ACOXL: variants seen among roughly 807,000 people sequenced by gnomAD.
ACOXL encodes the protein acyl-coenzyme A oxidase-like protein.
Under a neutral mutation model 71.9 loss-of-function variants are expected in ACOXL, and 70 were observed. The ratio of observed to expected loss-of-function variants is 0.97; its 90% CI spans 0.80 to 1.19. The LOEUF (loss-of-function observed/expected upper bound fraction) is 1.19. Ranked by LOEUF, ACOXL falls within the 50% of genes most tolerant of loss-of-function variation. The pLI is 0.00. For synonymous variants in ACOXL, 253 were observed against 281.6 expected (o/e 0.90, Z 1.02); for missense variants, 703 against 736.3 (o/e 0.95, Z 0.52).
chr2:110,760,619 C>G (rs1284964493), intron 1 of ACOXL, among the ~76,000 whole-genome samples: 1 of 152,184 alleles, frequency 6.6e-6, no homozygotes, highest in African/African-American at 2.4e-5. Flanking sequence ...TGGACTCTCA[C>G]ATATTTGAGG....
At chr2:110,775,790 G>A (rs1682559448) in intron 2 of ACOXL, among the ~76,000 whole-genome samples, 1 of 152,214 alleles carries the variant, frequency 6.6e-6, no homozygotes, top group Non-Finnish European at 1.5e-5. Context: ...GAACCCATGT[G>A]CATTGTCGGT....
At chr2:110,962,887 T>C (rs1234158442) in intron 12 of ACOXL, among the ~76,000 whole-genome samples, 1 of 152,082 alleles carries the variant, frequency 6.6e-6, no homozygotes, top group Non-Finnish European at 1.5e-5. Flanking sequence ...TTCTGGATAT[T>C]TCATGGGGAA....
intron 10 of ACOXL, among the ~76,000 whole-genome samples, chr2:110,906,586 CA>C (rs78173066): frequency 0.35 from 34,523 of 98,840 alleles, 5,080 homozygotes; most frequent in Middle Eastern, 0.43. Context: ...ATTTTTCAGC[CA>C]AAAAAAAAAA....
At chr2:110,963,263 A>G (rs1350391581) in intron 12 of ACOXL, among the ~76,000 whole-genome samples, 1 of 152,086 alleles carries the variant, frequency 6.6e-6, no homozygotes, top group Non-Finnish European at 1.5e-5. Flanking sequence ...TTGCCTACAT[A>G]TGGTGAGGTA....
intron 12 of ACOXL, among the ~76,000 whole-genome samples, chr2:110,980,087 G>A (rs2062635989): frequency 6.6e-6 from 1 of 152,166 alleles, no homozygotes; most frequent in South Asian, 2.1e-4. Flanking sequence ...TGGCCAGATA[G>A]CCCAGGCTCT....
intron 10 of ACOXL, among the ~76,000 whole-genome samples, chr2:110,844,371 A>G (rs988249024): frequency 1.3e-5 from 2 of 152,088 alleles, no homozygotes; most frequent in African/African-American, 4.8e-5. Context: ...TGTGCTGGGG[A>G]CAAACCTACC....
chr2:110,853,913 G>GTT (rs35717647), intron 10 of ACOXL, among the ~76,000 whole-genome samples: 4 of 142,254 alleles, frequency 2.8e-5, no homozygotes, highest in African/African-American at 1.1e-4. Flanking sequence ...TAGGACACTT[G>GTT]TTTTTTTTTT....
intron 12 of ACOXL, among the ~76,000 whole-genome samples, chr2:110,944,255 T>C (rs1367687230): frequency 1.3e-5 from 2 of 152,012 alleles, no homozygotes; most frequent in African/African-American, 4.8e-5. Context: ...GGTTTCACTA[T>C]ATTGGCAAGG....
At position 111,060,458 on chromosome 2, in the gene ACOXL, G is replaced by A. The variant is rs534588566; in HGVS notation, c.1440+11170G>A. Reference sequence around the variant, plus strand: ...GCCAGCACCCCACCCCAGCAGCAACGAGGAGCATCTCCCAACCTTGGTGGT... The same window carrying A: ...GCCAGCACCCCACCCCAGCAGCAACAAGGAGCATCTCCCAACCTTGGTGGT... On this transcript the variant is annotated intron_variant, in intron 16 of 17. Transcript: ENST00000439055. 8.5e-5 allele frequency among the ~76,000 whole-genome samples: 13 copies of A among 152,242 alleles called. No homozygotes were observed. In the South Asian group the frequency reaches 1.0e-3, roughly 12 times the overall value.
intron 2 of ACOXL, among the ~76,000 whole-genome samples, chr2:110,769,499 A>G (rs1681596036): frequency 6.6e-6 from 1 of 151,888 alleles, no homozygotes; most frequent in African/African-American, 2.4e-5. Flanking sequence ...AAAAAAAAAT[A>G]CAAAACTGGC....
intron 10 of ACOXL, chr2:110,887,508 G>A (rs1697447790): frequency 6.6e-6 from 1 of 152,264 alleles, no homozygotes; most frequent in African/African-American, 2.4e-5. Context: ...AGACTAGAGT[G>A]TAGTGGCATG....
chr2:110,940,615 TGA>T (rs2060833417), intron 12 of ACOXL, among the ~76,000 whole-genome samples: 1 of 152,216 alleles, frequency 6.6e-6, no homozygotes, highest in South Asian at 2.1e-4. Flanking sequence ...TTGGCCTCAC[TGA>T]GAATTCATGG....
intron 17 of ACOXL, among the ~76,000 whole-genome samples, 183 bp from the exon 18 acceptor site, chr2:111,117,433 G>A (rs1483555830): frequency 6.6e-5 from 10 of 152,212 alleles, no homozygotes; most frequent in African/African-American, 2.4e-4. Context: ...AGTTGGGAAT[G>A]TCTAAAACAA....
In ACOXL at chr2:110,733,509, A is replaced by G. The variant is rs556123841; in HGVS notation, c.-23+735A>G. Among the ~76,000 whole-genome samples, 13 of 152,266 alleles carry G rather than the reference A, an allele frequency of 8.5e-5. No individual in the cohort carries two copies. In the South Asian group the frequency reaches 2.7e-3, roughly 32 times the overall value. Reference sequence around the variant, plus strand: ...CCATTTCAAGCAGTCTGAAAAGCCCAGTTGGAGGCATGCTTTGGAGTTCTA... The same window carrying G: ...CCATTTCAAGCAGTCTGAAAAGCCCGGTTGGAGGCATGCTTTGGAGTTCTA... On this transcript the variant is annotated intron_variant, in intron 1 of 17. Transcript: ENST00000439055.
intron 17 of ACOXL, chr2:111,113,205 A>C (rs2070115566): frequency 6.6e-6 from 1 of 152,260 alleles, no homozygotes; most frequent in Non-Finnish European, 1.5e-5. Context: ...TTTAGAAAAA[A>C]AAAGCCCTGG....
intron 1 of ACOXL, among the ~76,000 whole-genome samples, chr2:110,758,502 G>A (rs1445627428): frequency 6.6e-6 from 1 of 151,926 alleles, no homozygotes; most frequent in African/African-American, 2.4e-5. Flanking sequence ...ATTCTCTGAT[G>A]GCTGTATTTT....
Position 110,768,513 on chromosome 2 carries a change from T to TGTGTGTGTGTGA in ACOXL, c.75+50_75+51insTGTGTGTGTGAG, listed in dbSNP as rs397975396. On this transcript the variant is annotated intron_variant, in intron 2 of 17. Coordinates refer to ENST00000439055, the MANE Select transcript of ACOXL (RefSeq NM_001142807.4). The stretch of plus-strand genomic sequence containing the variant: ...ATGGTTGTGTGTGTGTGTGTGTGTG[T>TGTGTGTGTGTGA]GAGAGAGAGAGAGAGAGAGAGAGAG... 115 of 929,802 alleles carry TGTGTGTGTGTGA rather than the reference T, an allele frequency of 1.2e-4. No homozygotes were observed. In the African/African-American group the frequency reaches 1.9e-3, roughly 16 times the overall value. The allele number at this position is 929,802 out of a possible 1,614,324, so 57.6% of individuals were successfully genotyped here.
chr2:110,894,458 G>A (rs147493958), intron 10 of ACOXL, among the ~76,000 whole-genome samples: 1 of 152,004 alleles, frequency 6.6e-6, no homozygotes, highest in East Asian at 1.9e-4. Flanking sequence ...AAAAAAACTG[G>A]TGTCCCACCC....
Position 111,083,465 on chromosome 2 carries a change from T to A in ACOXL, c.1441-9400T>A, listed in dbSNP as rs141759334. On this transcript the variant is annotated intron_variant, in intron 16 of 17. Transcript: ENST00000439055. ...TTCCAATTGTCCACTCCCAGTGGAG[T>A]CTATAGACAGCATTTAATTCTCCCA... 9.9e-5 allele frequency among the ~76,000 whole-genome samples: 15 copies of A among 152,012 alleles called. No homozygotes were observed. In the East Asian group the frequency reaches 2.7e-3, roughly 27 times the overall value.
Sources: gnomAD v4.1 joint callset for allele counts (sites outside exome capture counted in the v4.1 genomes callset) on GRCh38, gnomAD v4.1.1 for gene constraint, MANE v1.5 for transcripts, NCBI Gene and HGNC (gene_info 2026-07-23, HGNC 2026-07-21) for gene names.